Variants in POR observed in about 807,000 individuals in gnomAD.
POR encodes NADPH--cytochrome P450 reductase.
POR carries 56 observed loss-of-function variants against 84.0 expected under a neutral mutation model. The ratio of observed to expected loss-of-function variants is 0.67; its 90% CI spans 0.54 to 0.83. The LOEUF is 0.83. Ranked by LOEUF, POR falls within the 40% of genes least tolerant of loss-of-function variation. The pLI is 0.00. For missense variants in POR, 938 were observed against 944.3 expected (o/e 0.99, Z 0.09); for synonymous variants, 414 against 400.5 (o/e 1.03, Z -0.40).
At chr7:75,960,459 C>A (rs1408464528) in intron 2 of POR, among the ~76,000 whole-genome samples, 1 of 152,138 alleles carries the variant, frequency 6.6e-6, no homozygotes, top group East Asian at 1.9e-4. Context: ...GTGACGGGCA[C>A]ATGCCACCAT....
chr7:75,920,097 A>G (rs1345614656), intron 1 of POR, among the ~76,000 whole-genome samples: 53 of 111,898 alleles, frequency 4.7e-4, no homozygotes, highest in African/African-American at 1.9e-3. Context: ...ACAGAGTCTG[A>G]CTCTCTCGCC....
At chr7:75,950,495 A>G (rs1165603978) in intron 1 of POR, among the ~76,000 whole-genome samples, 2 of 151,996 alleles carry the variant, frequency 1.3e-5, no homozygotes, top group African/African-American at 4.8e-5. Context: ...CAGCTAGGGG[A>G]GCTCCTGTGT....
chr7:75,974,514 T>TTTTTC (rs1386912069), intron 3 of POR, among the ~76,000 whole-genome samples: 1 of 148,684 alleles, frequency 6.7e-6, no homozygotes, highest in African/African-American at 2.5e-5. Flanking sequence ...TTCTTTTTCT[T>TTTTTC]TTTTCTTTTC....
intron 2 of POR, among the ~76,000 whole-genome samples, chr7:75,954,415 T>C (rs1554553440): frequency 6.6e-6 from 1 of 152,208 alleles, no homozygotes; most frequent in Non-Finnish European, 1.5e-5. Context: ...CAGGAAGCAC[T>C]GCGAAAATGA....
At chr7:75,942,385 C>A (rs1402150178) in intron 1 of POR, among the ~76,000 whole-genome samples, 1 of 152,144 alleles carries the variant, frequency 6.6e-6, no homozygotes, top group Non-Finnish European at 1.5e-5. Context: ...CAAATAGGTA[C>A]TGCCAAGTTA....
At position 75,947,726 on chromosome 7, in the gene POR, A is replaced by C. The variant is rs557747893; in HGVS notation, c.-4-6263A>C. On this transcript the variant is annotated intron_variant, in intron 1 of 15. Coordinates refer to ENST00000461988, the MANE Select transcript of POR (RefSeq NM_000941.3). Reference sequence around the variant, plus strand: ...TTATTGCGCCCTGGATTCTGCGCCAAGGAAGTGTGTGCTGGGGAGGGGATG... The same window carrying C: ...TTATTGCGCCCTGGATTCTGCGCCACGGAAGTGTGTGCTGGGGAGGGGATG... Among the ~76,000 whole-genome samples, 11 of 152,200 alleles carry C rather than the reference A, an allele frequency of 7.2e-5. 1 individual carries two copies. Among genetic ancestry groups the C allele is most frequent in the African/African-American group, 2.4e-4 (10 of 41,532 alleles).
At chr7:75,930,484 A>T (rs1447513222) in intron 1 of POR, among the ~76,000 whole-genome samples, 3 of 152,090 alleles carry the variant, frequency 2.0e-5, no homozygotes, top group African/African-American at 7.2e-5. Context: ...CCTGTCTAAA[A>T]ATAAATAAAA....
intron 7 of POR, chr7:75,981,822 A>T (rs1789064572): frequency 3.4e-6 from 2 of 591,158 alleles, no homozygotes; most frequent in Non-Finnish European, 3.0e-6. Context: ...CTCGACAAGG[A>T]CACATCGCGT....
intron 2 of POR, among the ~76,000 whole-genome samples, chr7:75,962,942 T>C (rs782445165): frequency 4.6e-5 from 7 of 152,222 alleles, no homozygotes; most frequent in Non-Finnish European, 1.0e-4. Flanking sequence ...ACATCATTTG[T>C]ATCACAGTTT....
chr7:75,932,339 C>T (rs1807462277), intron 1 of POR, among the ~76,000 whole-genome samples: 1 of 152,044 alleles, frequency 6.6e-6, no homozygotes, highest in Non-Finnish European at 1.5e-5. Flanking sequence ...CACCAACACG[C>T]CCAGCTAATT....
At chr7:75,926,550 C>T (rs1464925913) in intron 1 of POR, among the ~76,000 whole-genome samples, 1 of 152,074 alleles carries the variant, frequency 6.6e-6, no homozygotes, top group Non-Finnish European at 1.5e-5. Context: ...AATCCCAGCA[C>T]TTTGGGAGGC....
At chr7:75,961,274 TAAAA>T (rs34683650) in intron 2 of POR, among the ~76,000 whole-genome samples, 2,744 of 141,358 alleles carry the variant, frequency 0.019, 87 homozygotes, top group African/African-American at 0.066. Flanking sequence ...ACAGCTTCTT[TAAAA>T]AAAAAAAAAA....
chr7:75,971,810 C>T (rs41299466), intron 2 of POR, among the ~76,000 whole-genome samples: 1 of 152,132 alleles, frequency 6.6e-6, no homozygotes, highest in East Asian at 1.9e-4. Context: ...ATGGCGTGCA[C>T]AGGATTCTGA....
chr7:75,938,333 A>G (rs1807798259), intron 1 of POR, among the ~76,000 whole-genome samples: 1 of 152,218 alleles, frequency 6.6e-6, no homozygotes, highest in Non-Finnish European at 1.5e-5. Flanking sequence ...GTTGTACAGT[A>G]GTACCTTCCT....
At chr7:75,955,787 G>A (rs1193882922) in intron 2 of POR, among the ~76,000 whole-genome samples, 2 of 152,188 alleles carry the variant, frequency 1.3e-5, no homozygotes, top group African/African-American at 4.8e-5. Context: ...CCAGTCCAAG[G>A]CTGTGGCTGT....
intron 1 of POR, among the ~76,000 whole-genome samples, chr7:75,920,304 A>G (rs1419098593): frequency 6.6e-6 from 1 of 151,940 alleles, no homozygotes; most frequent in Non-Finnish European, 1.5e-5. Context: ...TCCTGACCTC[A>G]AGTGATCCAC....
chr7:75,927,135 G>A (rs558948933), intron 1 of POR, among the ~76,000 whole-genome samples: 57 of 152,244 alleles, frequency 3.7e-4, no homozygotes, highest in African/African-American at 1.4e-3. Context: ...CCCTGATGTT[G>A]GACAAGGTCC....
intron 3 of POR, among the ~76,000 whole-genome samples, chr7:75,973,771 T>A (rs1554556499): frequency 1.6e-5 from 2 of 125,688 alleles, no homozygotes; most frequent in Non-Finnish European, 1.6e-5. Flanking sequence ...AACCTTCACC[T>A]CCTCGGTTCA....
At chr7:75,916,729 A>T (rs1554548122) in intron 1 of POR, among the ~76,000 whole-genome samples, 1 of 152,206 alleles carries the variant, frequency 6.6e-6, no homozygotes, top group Non-Finnish European at 1.5e-5. Flanking sequence ...ACTTGAAGAA[A>T]TAATAGGTAG....
Sources: allele counts gnomAD v4.1 joint callset (sites outside exome capture counted in the v4.1 genomes callset), GRCh38; gene constraint gnomAD v4.1.1; transcripts MANE v1.5; gene names NCBI Gene and HGNC (gene_info 2026-07-23, HGNC 2026-07-21).